Variants in SPAG16 observed in about 807,000 individuals in gnomAD.
The protein encoded by SPAG16 is sperm-associated antigen 16 protein.
In SPAG16, 86 loss-of-function variants were observed where a neutral mutation model predicts 80.4. That is an observed-to-expected ratio of 1.07 (90% CI 0.90 to 1.28). SPAG16 has a LOEUF of 1.28. SPAG16 is among the 50% of genes most tolerant of loss of function. SPAG16 has a pLI of 0.00. For missense variants in SPAG16, 870 were observed against 765.3 expected (o/e 1.14, Z -1.61); for synonymous variants, 294 against 265.9 (o/e 1.11, Z -1.03).
intron 15 of SPAG16, among the ~76,000 whole-genome samples, chr2:214,177,916 C>CATATATATATATATATATACATATAT (rs10622953): frequency 8.7e-5 from 8 of 92,204 alleles, no homozygotes; most frequent in African/African-American, 3.2e-4. Flanking sequence ...TATATATATA[C>CATATATATATATATATATACATATAT]ATATATATAT....
chr2:214,372,970 T>C (rs1699914578), intron 15 of SPAG16, among the ~76,000 whole-genome samples: 1 of 152,174 alleles, frequency 6.6e-6, no homozygotes, highest in Admixed American at 6.5e-5. Context: ...TGCTCTGCAA[T>C]GACAAAGCAG....
At chr2:213,709,130 G>A (rs79504240) in intron 10 of SPAG16, among the ~76,000 whole-genome samples, 10,098 of 152,114 alleles carry the variant, frequency 0.066, 1,050 homozygotes, top group African/African-American at 0.22. Flanking sequence ...TGCACCATTG[G>A]CATTGAACAA....
chr2:213,421,112 A>C (rs1257008763), intron 9 of SPAG16, among the ~76,000 whole-genome samples: 3 of 151,708 alleles, frequency 2.0e-5, no homozygotes, highest in Non-Finnish European at 4.4e-5. Context: ...AGCTGCAGCC[A>C]CCCAGCTGCA....
intron 13 of SPAG16, among the ~76,000 whole-genome samples, chr2:214,034,070 C>A (rs974453883): frequency 6.6e-6 from 1 of 152,200 alleles, no homozygotes; most frequent in African/African-American, 2.4e-5. Context: ...TGGAAAAGTA[C>A]AGGCCAGCTA....
At chr2:213,858,343 C>T (rs1255646225) in intron 10 of SPAG16, among the ~76,000 whole-genome samples, 1 of 152,130 alleles carries the variant, frequency 6.6e-6, no homozygotes, top group African/African-American at 2.4e-5. Context: ...CCTTCAGGAA[C>T]CACAACTCTG....
intron 15 of SPAG16, among the ~76,000 whole-genome samples, chr2:214,332,042 A>C (rs1696951504): frequency 6.6e-6 from 1 of 152,200 alleles, no homozygotes; most frequent in Non-Finnish European, 1.5e-5. Flanking sequence ...ACTCGAGGTC[A>C]GGAGTTCAAG....
chr2:213,380,301 G>C lies in SPAG16; in HGVS notation c.942+5182G>C, dbSNP rs558455548. 2.0e-5 allele frequency among the ~76,000 whole-genome samples: 3 copies of C among 152,286 alleles called. No homozygotes were observed. In the East Asian group the frequency reaches 5.8e-4, roughly 29 times the overall value. ...GTGGTGCTGTAGCTGTCAACTTTCGGATGGTGCCTGCATATTGTGCAGATC... is the reference window on the plus strand; with the variant it reads ...GTGGTGCTGTAGCTGTCAACTTTCGCATGGTGCCTGCATATTGTGCAGATC... On this transcript the variant is annotated intron_variant, in intron 9 of 15. Coordinates refer to ENST00000331683, the MANE Select transcript of SPAG16 (RefSeq NM_024532.5).
chr2:213,733,887 A>C (rs2067172563), intron 10 of SPAG16, among the ~76,000 whole-genome samples: 1 of 152,216 alleles, frequency 6.6e-6, no homozygotes, highest in African/African-American at 2.4e-5. Context: ...AGCTCTTGGC[A>C]TATTAGAGTT....
intron 5 of SPAG16, among the ~76,000 whole-genome samples, chr2:213,329,633 C>CT (rs1196421270): frequency 3.9e-5 from 6 of 152,144 alleles, no homozygotes; most frequent in Non-Finnish European, 8.8e-5. Context: ...AAATTTGCAG[C>CT]TTGATGATGT....
intron 13 of SPAG16, among the ~76,000 whole-genome samples, chr2:214,033,830 A>G (rs1228349097): frequency 6.6e-6 from 1 of 152,158 alleles, no homozygotes; most frequent in Non-Finnish European, 1.5e-5. Flanking sequence ...AAAAACAACA[A>G]CATTCTCTGA....
intron 10 of SPAG16, among the ~76,000 whole-genome samples, chr2:213,858,504 A>G (rs2075274595): frequency 1.3e-5 from 2 of 152,188 alleles, no homozygotes; most frequent in Non-Finnish European, 2.9e-5. Flanking sequence ...TTAATATACT[A>G]TAGTATAGGG....
chr2:214,306,243 C>T (rs1266279177), intron 15 of SPAG16, among the ~76,000 whole-genome samples: 1 of 152,118 alleles, frequency 6.6e-6, no homozygotes, highest in African/African-American at 2.4e-5. Context: ...TGAGACTTTG[C>T]TGAAGTTGTT....
chr2:214,198,908 A>C (rs111683743), intron 15 of SPAG16, among the ~76,000 whole-genome samples: 10 of 152,092 alleles, frequency 6.6e-5, no homozygotes, highest in African/African-American at 2.4e-4. Flanking sequence ...TCTTCTTTTG[A>C]GAACTCTCTA....
At chr2:213,695,182 AC>A (rs2065107640) in intron 10 of SPAG16, among the ~76,000 whole-genome samples, 1 of 152,096 alleles carries the variant, frequency 6.6e-6, no homozygotes, top group Admixed American at 6.5e-5. Context: ...CTTACTCTTC[AC>A]AGTGGCTATT....
At position 213,967,953 on chromosome 2, in the gene SPAG16, A is replaced by G. The variant is rs1290293784; in HGVS notation, c.1400+37808A>G. 2.6e-5 allele frequency among the ~76,000 whole-genome samples: 4 copies of G among 152,244 alleles called. No homozygotes were observed. In the East Asian group the frequency reaches 7.7e-4, roughly 29 times the overall value. On this transcript the variant is annotated intron_variant, in intron 12 of 15. Transcript: ENST00000331683. ...TCAGTGATTGATATATTTAATGGCT[A>G]ATTTTTGATGTACTTCAATGTGTAA...
At chr2:213,977,813 G>T (rs777857025) in intron 12 of SPAG16, among the ~76,000 whole-genome samples, 1 of 151,916 alleles carries the variant, frequency 6.6e-6, no homozygotes, top group South Asian at 2.1e-4. Flanking sequence ...GGCGATTCTG[G>T]TGACATAATC....
At chr2:213,648,736 A>G (rs1283326928) in intron 10 of SPAG16, among the ~76,000 whole-genome samples, 9 of 152,304 alleles carry the variant, frequency 5.9e-5, no homozygotes, top group African/African-American at 1.9e-4. Context: ...CCCACAAACT[A>G]TAAGCAGAAA....
chr2:213,597,058 C>T (rs2060908165), intron 10 of SPAG16, among the ~76,000 whole-genome samples: 1 of 152,092 alleles, frequency 6.6e-6, no homozygotes, highest in African/African-American at 2.4e-5. Flanking sequence ...TAAACAGGCA[C>T]AATCTGAAAT....
At chr2:214,195,892 C>A (rs2057822997) in intron 15 of SPAG16, among the ~76,000 whole-genome samples, 1 of 151,948 alleles carries the variant, frequency 6.6e-6, no homozygotes, top group Non-Finnish European at 1.5e-5. Context: ...GTCAAATAAA[C>A]AACTGCTATC....
Sources: allele counts gnomAD v4.1 joint callset (sites outside exome capture counted in the v4.1 genomes callset), GRCh38; gene constraint gnomAD v4.1.1; transcripts MANE v1.5; gene names NCBI Gene and HGNC (gene_info 2026-07-23, HGNC 2026-07-21).